TEAD1: variants seen among roughly 807,000 people sequenced by gnomAD.
TEAD1 encodes transcriptional enhancer factor TEF-1.
In TEAD1, 9 loss-of-function variants were observed where a neutral mutation model predicts 54.9. The observed-to-expected ratio is 0.16, with a 90% CI of 0.10 to 0.29. TEAD1 has a LOEUF of 0.29. Ranked by LOEUF, TEAD1 falls within the 10% of genes least tolerant of loss-of-function variation. The pLI is 1.00. For synonymous variants in TEAD1, 200 were observed against 187.8 expected (o/e 1.07, Z -0.53); for missense variants, 387 against 535.9 (o/e 0.72, Z 2.74).
intron 2 of TEAD1, among the ~76,000 whole-genome samples, chr11:12,702,107 G>A (rs142883641): frequency 1.3e-4 from 20 of 152,280 alleles, no homozygotes; most frequent in African/African-American, 4.8e-4. Flanking sequence ...TTACTTTTCT[G>A]TGTACTCCCT....
intron 2 of TEAD1, among the ~76,000 whole-genome samples, chr11:12,762,762 G>T (rs1945127213): frequency 6.6e-6 from 1 of 152,150 alleles, no homozygotes; most frequent in East Asian, 1.9e-4. Flanking sequence ...GGCATCTGTT[G>T]ATATACACAG....
rs775570987 is a variant in TEAD1, at chr11:12,937,256, TAC to T, written c.*44_*45del. ...ATTTATATATATAGATATCTGTATA[TAC>T]ACACACACATATGTGCACACACACA... is the stretch of plus-strand genomic sequence containing the variant. On this transcript the variant is annotated 3_prime_UTR_variant, in exon 13 of 13. Transcript: ENST00000527636. 106 of 1,418,938 alleles carry T rather than the reference TAC, an allele frequency of 7.5e-5. No homozygotes were observed. The highest frequency in any genetic ancestry group is 3.5e-4 in the Middle Eastern group (2 of 5,726). 87.9% of individuals were successfully genotyped at this position (1,418,938 alleles called of 1,614,324 possible). A position where few individuals can be genotyped will look rare whatever the true frequency, so the allele number is the denominator to read the frequency against.
intron 3 of TEAD1, among the ~76,000 whole-genome samples, chr11:12,810,700 C>A (rs1353672621): frequency 1.3e-5 from 2 of 152,200 alleles, no homozygotes; most frequent in Admixed American, 6.5e-5. Context: ...GTAGGTCTTT[C>A]ATGCTGACGA....
chr11:12,800,547 G>A (rs527846465), intron 3 of TEAD1, among the ~76,000 whole-genome samples: 64 of 152,212 alleles, frequency 4.2e-4, no homozygotes, highest in Non-Finnish European at 8.2e-4. Flanking sequence ...GGGACGCAAA[G>A]CATATCAATC....
intron 2 of TEAD1, among the ~76,000 whole-genome samples, chr11:12,723,953 G>A (rs1944262764): frequency 6.6e-6 from 1 of 152,194 alleles, no homozygotes. Context: ...GTATGACAGA[G>A]TTCGCTTGAT....
chr11:12,929,163 C>CGTGTGTGTGTGTGTGTGTGTGTGTGT (rs60060462), intron 11 of TEAD1, among the ~76,000 whole-genome samples: 1 of 106,726 alleles, frequency 9.4e-6, no homozygotes, highest in African/African-American at 3.3e-5. Flanking sequence ...TTTGCTTTGC[C>CGTGTGTGTGTGTGTGTGTGTGTGTGT]GTGTGTGTGT....
At chr11:12,782,298 T>C (rs4757928) in intron 3 of TEAD1, among the ~76,000 whole-genome samples, 12,726 of 152,236 alleles carry the variant, frequency 0.084, 1,888 homozygotes, top group African/African-American at 0.29. Context: ...AGTCTTAATA[T>C]GTACCACAAT....
intron 2 of TEAD1, among the ~76,000 whole-genome samples, chr11:12,728,334 C>T (rs1042382599): frequency 6.6e-6 from 1 of 152,154 alleles, no homozygotes; most frequent in African/African-American, 2.4e-5. Context: ...ACCGTGGCAA[C>T]ATTCGATATT....
chr11:12,855,392 C>T (rs938278934), intron 3 of TEAD1, among the ~76,000 whole-genome samples: 4 of 151,940 alleles, frequency 2.6e-5, no homozygotes, highest in South Asian at 2.1e-4. Flanking sequence ...CTGGTTCAAG[C>T]GACTCTCCTG....
intron 10 of TEAD1, among the ~76,000 whole-genome samples, chr11:12,902,436 G>C (rs144386988): frequency 6.6e-6 from 1 of 152,220 alleles, no homozygotes; most frequent in African/African-American, 2.4e-5. Context: ...GCATCAGAGA[G>C]GAAACAGAAT....
At chr11:12,899,693 C>G (rs575788176) in intron 9 of TEAD1, among the ~76,000 whole-genome samples, 2 of 152,308 alleles carry the variant, frequency 1.3e-5, no homozygotes, top group Admixed American at 6.5e-5. Flanking sequence ...CAGCTTCTGT[C>G]TTACCTGCCA....
intron 2 of TEAD1, among the ~76,000 whole-genome samples, chr11:12,714,101 G>A (rs1944002478): frequency 6.6e-6 from 1 of 152,140 alleles, no homozygotes; most frequent in Non-Finnish European, 1.5e-5. Flanking sequence ...AGGTGGGGTG[G>A]AGTATTTGGG....
chr11:12,816,818 G>A (rs1946425825), intron 3 of TEAD1, among the ~76,000 whole-genome samples: 1 of 152,142 alleles, frequency 6.6e-6, no homozygotes, highest in South Asian at 2.1e-4. Flanking sequence ...TTTAGTGGAG[G>A]GGACAAAGTG....
chr11:12,843,578 T>C (rs1241911071), intron 3 of TEAD1, among the ~76,000 whole-genome samples: 1 of 152,238 alleles, frequency 6.6e-6, no homozygotes, highest in African/African-American at 2.4e-5. Flanking sequence ...TTGTGACAAG[T>C]GACATTGACA....
rs1237029125 is a variant in TEAD1 at position 12,940,505 on chromosome 11, C to G, written c.*3283C>G. The G allele has an allele frequency of 6.6e-6, 1 of 152,190 alleles. No homozygotes were observed. Among genetic ancestry groups the G allele is most frequent in the South Asian group, 2.1e-4 (1 of 4,826 alleles). 9.4% of individuals were successfully genotyped at this position (152,190 alleles called of 1,614,324 possible). On this transcript the variant is annotated 3_prime_UTR_variant, in exon 13 of 13. Coordinates refer to ENST00000527636, the MANE Select transcript of TEAD1 (RefSeq NM_021961.6). ...ATTTTACCCTGTGAAAGCATCTCTC[C>G]TAGAGCCTTGCAAGAGGCAGGTGAC...
chr11:12,764,087 A>G (rs1229999998), intron 2 of TEAD1, 92 bp from the exon 3 acceptor site: 4 of 778,564 alleles, frequency 5.1e-6, no homozygotes, highest in African/African-American at 3.5e-5. Flanking sequence ...AAATGAAAAA[A>G]GCTGGTGACT....
intron 3 of TEAD1, among the ~76,000 whole-genome samples, chr11:12,809,974 CTTTTTT>C (rs55647097): frequency 4.3e-5 from 5 of 115,646 alleles, no homozygotes; most frequent in South Asian, 3.4e-4. Context: ...TTTCCCCATT[CTTTTTT>C]TTTTTTTTTT....
At chr11:12,862,401 C>T in intron 4 of TEAD1, 87 bp downstream of exon 4, 2 of 1,216,386 alleles carry the variant, frequency 1.6e-6, no homozygotes, top group South Asian at 1.2e-5. Context: ...GCTTTGGCTC[C>T]TAGGAGCCCC....
Position 12,916,849 on chromosome 11 carries a change from A to G in TEAD1, c.874-8063A>G, listed in dbSNP as rs188445551. On this transcript the variant is annotated intron_variant, in intron 10 of 12. Coordinates refer to ENST00000527636, the MANE Select transcript of TEAD1 (RefSeq NM_021961.6). ...GGAAGCAAACAGAACCTGAAGAACT[A>G]TGTGGGTGAGGAGGAGGAGAGGAAT... 6.4e-4 allele frequency among the ~76,000 whole-genome samples: 98 copies of G among 152,290 alleles called. No homozygotes were observed. In the Middle Eastern group the frequency reaches 0.01, roughly 16 times the overall value.
Sources: gnomAD v4.1 joint callset for allele counts (sites outside exome capture counted in the v4.1 genomes callset) on GRCh38, gnomAD v4.1.1 for gene constraint, MANE v1.5 for transcripts, NCBI Gene and HGNC (gene_info 2026-07-23, HGNC 2026-07-21) for gene names.